The following RTF2 variants were observed in gnomAD, a reference collection of about 807,000 sequenced individuals.
The protein encoded by RTF2 is UPF0549 protein C20orf43.
In RTF2, 18 loss-of-function variants were observed where a neutral mutation model predicts 38.0. The observed-to-expected ratio is 0.47, with a 90% CI of 0.33 to 0.70. The LOEUF (loss-of-function observed/expected upper bound fraction) is 0.70. Among genes scored for constraint, RTF2 ranks in the 30% least tolerant of loss-of-function variants. The pLI is 0.02. For synonymous variants in RTF2, 126 were observed against 137.1 expected, an observed-to-expected ratio of 0.92 and a Z score of 0.57; for missense variants, 311 against 379.6, an observed-to-expected ratio of 0.82 and a Z score of 1.50.
At position 56,496,505 on chromosome 20, in the gene RTF2, G is replaced by A. The variant is rs1313397227; in HGVS notation, c.477+12316G>A. On this transcript the variant is annotated intron_variant, in intron 5 of 8. Coordinates refer to ENST00000357348, the MANE Select transcript of RTF2 (RefSeq NM_016407.5). Reference sequence around the variant, plus strand: ...GGAGCTTGCAGTGAGCCGAGATCGCGCCACTGCACTCCAGCCTCGGTGACC... The same window carrying A: ...GGAGCTTGCAGTGAGCCGAGATCGCACCACTGCACTCCAGCCTCGGTGACC... 1.4e-5 allele frequency: 13 copies of A among 943,306 alleles called. No homozygotes were observed. In the East Asian group the frequency reaches 1.7e-4, roughly 12 times the overall value. 58.4% of individuals were successfully genotyped at this position (943,306 alleles called of 1,614,324 possible).
chr20:56,513,577 C>G (rs1984834143), intron 6 of RTF2, 149 bp downstream of exon 6: 2 of 974,722 alleles, frequency 2.1e-6, no homozygotes, highest in Admixed American at 2.6e-5. Flanking sequence ...GAAGCAGATT[C>G]CAGCTGAGGC....
At chr20:56,480,699 A>G (rs1201730274) in intron 4 of RTF2, among the ~76,000 whole-genome samples, 3 of 152,222 alleles carry the variant, frequency 2.0e-5, no homozygotes, top group Admixed American at 2.0e-4. Context: ...AGGCCATTGT[A>G]GGGTTCTCAA....
chr20:56,512,040 C>T (rs934620671), intron 5 of RTF2, among the ~76,000 whole-genome samples: 18 of 152,186 alleles, frequency 1.2e-4, no homozygotes, highest in African/African-American at 2.7e-4. Flanking sequence ...GACGGGGTTT[C>T]ACCATATTGG....
chr20:56,491,714 A>G (rs1983153083), intron 5 of RTF2: 2 of 1,552,308 alleles, frequency 1.3e-6, no homozygotes, highest in East Asian at 4.9e-5. Flanking sequence ...GTTGGCAAAC[A>G]GAGAAGGCGA....
At chr20:56,470,480 T>G (rs1290039682) in intron 1 of RTF2, 1 of 429,688 alleles carries the variant, frequency 2.3e-6, no homozygotes, top group East Asian at 7.1e-5. Context: ...AGGCAGAGTC[T>G]AGCCCTGGTG....
chr20:56,491,783 C>T (rs1282782923), intron 5 of RTF2: 1 of 1,548,838 alleles, frequency 6.5e-7, no homozygotes, highest in African/African-American at 1.4e-5. Flanking sequence ...GACGTAGCGG[C>T]CTGCAGAAAG....
chr20:56,508,778 T>C (rs948581887), intron 5 of RTF2, among the ~76,000 whole-genome samples: 1 of 152,212 alleles, frequency 6.6e-6, no homozygotes, highest in South Asian at 2.1e-4. Flanking sequence ...GGGGAAAGAA[T>C]AGTTTTTTCA....
intron 5 of RTF2, among the ~76,000 whole-genome samples, chr20:56,502,441 T>A (rs1439061446): frequency 1.3e-5 from 2 of 152,190 alleles, no homozygotes; most frequent in Admixed American, 1.3e-4. Context: ...GTCAGCAATA[T>A]GGGTTTGATA....
intron 5 of RTF2, among the ~76,000 whole-genome samples, chr20:56,484,602 C>T (rs1326524850): frequency 6.6e-6 from 1 of 152,218 alleles, no homozygotes; most frequent in Non-Finnish European, 1.5e-5. Flanking sequence ...TCTGCTTCCC[C>T]ACCGGACTTA....
chr20:56,515,332 G>A (rs1449730652), intron 6 of RTF2, among the ~76,000 whole-genome samples: 2 of 152,208 alleles, frequency 1.3e-5, no homozygotes, highest in Admixed American at 1.3e-4. Flanking sequence ...AGCACTTTGG[G>A]AGGCCGAGGC....
chr20:56,482,046 T>C (rs1315079885), intron 4 of RTF2, among the ~76,000 whole-genome samples: 4 of 152,188 alleles, frequency 2.6e-5, no homozygotes, highest in African/African-American at 4.8e-5. Context: ...TCTCCTTTGG[T>C]TTGCTGGTCA....
intron 3 of RTF2, among the ~76,000 whole-genome samples, chr20:56,476,645 A>G (rs1162375103): frequency 6.6e-6 from 1 of 151,970 alleles, no homozygotes; most frequent in Non-Finnish European, 1.5e-5. Context: ...GATTACAGGC[A>G]TGTTCCACCA....
At chr20:56,472,432 T>C (rs971981696) in intron 1 of RTF2, 34 of 1,450,872 alleles carry the variant, frequency 2.3e-5, no homozygotes, top group Non-Finnish European at 3.2e-5. Flanking sequence ...GAAAATGTCA[T>C]TCGAGGGCCA....
intron 5 of RTF2, among the ~76,000 whole-genome samples, chr20:56,500,172 A>G (rs1983837051): frequency 6.6e-6 from 1 of 151,738 alleles, no homozygotes; most frequent in Non-Finnish European, 1.5e-5. Context: ...CTCTGGCCTC[A>G]GCCTCCCAAG....
intron 1 of RTF2, among the ~76,000 whole-genome samples, chr20:56,469,510 C>T (rs1981851645): frequency 1.3e-5 from 2 of 152,198 alleles, no homozygotes; most frequent in Non-Finnish European, 2.9e-5. Flanking sequence ...GCCAGGATTC[C>T]CATCCACTTA....
At position 56,468,781 on chromosome 20, in the gene RTF2, C is replaced by T. The variant is rs1489365157; in HGVS notation, c.69+15C>T. ...AGGTTGAGAAGGTCAGTGATGTGGG[C>T]CGGCTCTTGGCGACCGGGGGTGGTG... On this transcript the variant is annotated intron_variant, in intron 1 of 8. Coordinates refer to ENST00000357348, the MANE Select transcript of RTF2 (RefSeq NM_016407.5). 4 of 1,564,858 alleles carry T rather than the reference C, an allele frequency of 2.6e-6. No homozygotes were observed. The highest frequency in any genetic ancestry group is 3.8e-5 in the Admixed American group (2 of 52,454).
chr20:56,494,061 C>T (rs572699065), intron 5 of RTF2, among the ~76,000 whole-genome samples: 3 of 152,124 alleles, frequency 2.0e-5, no homozygotes, highest in Non-Finnish European at 4.4e-5. Context: ...ATTGTTTCTA[C>T]CTGAGAATTG....
In RTF2 at chr20:56,474,057, C is replaced by G. The variant is rs530122628; in HGVS notation, c.165-621C>G. 2.0e-5 allele frequency among the ~76,000 whole-genome samples: 3 copies of G among 152,270 alleles called. No individual in the cohort carries two copies. The East Asian group carries it at 5.8e-4, about 29-fold the overall frequency. On this transcript the variant is annotated intron_variant, in intron 2 of 8. Transcript: ENST00000357348. ...GCTCAATGGTGTTGGCCTAGTGATT[C>G]CACACCTTCTGGTTTTAATTTTTTT...
chr20:56,469,273 G>A (rs774486416), intron 1 of RTF2, among the ~76,000 whole-genome samples: 3 of 152,198 alleles, frequency 2.0e-5, no homozygotes, highest in Non-Finnish European at 4.4e-5. Context: ...TTTGTATCAA[G>A]TCTTCCCCGC....
Sources: allele counts gnomAD v4.1 joint callset (sites outside exome capture counted in the v4.1 genomes callset), GRCh38; gene constraint gnomAD v4.1.1; transcripts MANE v1.5; gene names NCBI Gene and HGNC (gene_info 2026-07-23, HGNC 2026-07-21).